Variants in KCNQ1 observed in about 807,000 individuals in gnomAD.
KCNQ1 encodes potassium voltage-gated channel subfamily KQT member 1.
A neutral mutation model predicts 72.4 loss-of-function variants in KCNQ1; 49 were observed. The observed-to-expected ratio is 0.68, with a 90% confidence interval of 0.54 to 0.86. KCNQ1 has a LOEUF of 0.86. Ranked by LOEUF, KCNQ1 falls within the 40% of genes least tolerant of loss-of-function variation. KCNQ1 has a pLI of 0.00. For missense variants in KCNQ1, 790 were observed against 945.1 expected, an observed-to-expected ratio of 0.84 and a Z score of 2.15; for synonymous variants, 450 against 412.6, an observed-to-expected ratio of 1.09 and a Z score of -1.10.
chr11:2,848,213 C>T lies in KCNQ1; in HGVS notation c.*210C>T. On this transcript the variant is annotated 3_prime_UTR_variant, in exon 16 of 16. Transcript: ENST00000155840. ...ACCTCTTCCTGGCCGGTGTGGGGGC[C>T]CCGTCTCAGGTCTGAGTTGTTACCC... 4.5e-6 allele frequency: 3 copies of T among 669,160 alleles called. No individual in the cohort carries two copies. Among genetic ancestry groups the T allele is most frequent in the Non-Finnish European group, 8.1e-6 (3 of 371,078 alleles). 41.5% of individuals were successfully genotyped at this position (669,160 alleles called of 1,614,324 possible). A position where few individuals can be genotyped will look rare whatever the true frequency, so the allele number is the denominator to read the frequency against.
rs1346812616 is a variant in KCNQ1, at chr11:2,817,397, C to A, written c.1795-30370C>A. On this transcript the variant is annotated intron_variant, in intron 15 of 15. Transcript: ENST00000155840. The surrounding 1 kb of genome is among the most constrained non-coding windows in gnomAD (Gnocchi z 6.1). ...GGAGAATCACACCAGTGCCCCCTGA[C>A]CCCCAGCCTTGTGCAGACACTGATA... 1.3e-5 allele frequency among the ~76,000 whole-genome samples: 2 copies of A among 151,058 alleles called. No homozygotes were observed. The highest frequency in any genetic ancestry group is 2.5e-5 in the African/African-American group (1 of 40,416).
chr11:2,472,597 G>A (rs1242182396), intron 1 of KCNQ1, among the ~76,000 whole-genome samples: 1 of 152,104 alleles, frequency 6.6e-6, no homozygotes, highest in Non-Finnish European at 1.5e-5. Context: ...AAGCAAGGCA[G>A]AGCGTCTGGG....
chr11:2,749,641 CAAAAAAA>C lies in KCNQ1; in HGVS notation c.1515-19187_1515-19181del, dbSNP rs35701102. The stretch of plus-strand genomic sequence containing the variant: ...CGAAACCCTGTCTCTACTAAAAATA[CAAAAAAA>C]AAAAAAAAAAAAAAATTGTCCGGGC... On this transcript the variant is annotated intron_variant, in intron 11 of 15. Coordinates refer to ENST00000155840, the MANE Select transcript of KCNQ1 (RefSeq NM_000218.3). Among the ~76,000 whole-genome samples the C allele has an allele frequency of 5.8e-3, 502 of 87,102 alleles. 2 individuals carry two copies. Among genetic ancestry groups the C allele is most frequent in the African/African-American group, 0.012 (318 of 26,334 alleles). The allele number at this position is 87,102 out of a possible 152,430, so 57.1% of individuals were successfully genotyped here. A position where few individuals can be genotyped will look rare whatever the true frequency, so the allele number is the denominator to read the frequency against.
intron 10 of KCNQ1, chr11:2,660,442 A>G: frequency 2.5e-6 from 1 of 398,648 alleles, no homozygotes; most frequent in Non-Finnish European, 4.4e-6. Flanking sequence ...ATTTTCTAGG[A>G]TAAAAGCAAC....
chr11:2,706,199 T>G (rs2133912392), intron 11 of KCNQ1, among the ~76,000 whole-genome samples: 1 of 152,328 alleles, frequency 6.6e-6, no homozygotes, highest in Middle Eastern at 3.4e-3. Flanking sequence ...ATTTGCTTCT[T>G]TCAAATAAAA....
In KCNQ1 at chr11:2,447,824, C is replaced by T. The variant is rs767290367; in HGVS notation, c.386+2340C>T. Among the ~76,000 whole-genome samples, 7 of 152,180 alleles carry T rather than the reference C, an allele frequency of 4.6e-5. No individual in the cohort carries two copies. Among genetic ancestry groups the T allele is most frequent in the East Asian group, 1.9e-4 (1 of 5,192 alleles). ...TGTGCAGGGGGGTTGAGGCAGGAGC[C>T]GGTGTTCCGCTGACCCTACAGGGCT... On this transcript the variant is annotated intron_variant, in intron 1 of 15. Transcript: ENST00000155840. This position sits in a 1 kb window ranked among gnomAD's most constrained non-coding sequence, Gnocchi z 7.6.
rs1339662850 is a variant in KCNQ1 at position 2,544,236 on chromosome 11, ATG to A, written c.477+16230_477+16231del. On this transcript the variant is annotated intron_variant, in intron 2 of 15. Coordinates refer to ENST00000155840, the MANE Select transcript of KCNQ1 (RefSeq NM_000218.3). The surrounding 1 kb of genome is among the most constrained non-coding windows in gnomAD (Gnocchi z 4.4). Reference sequence around the variant, plus strand: ...GAGATTATCTATCTCATATATATATATGTGTGTGTGTGTATATATATATGTGT... The same window carrying A: ...GAGATTATCTATCTCATATATATATATGTGTGTGTGTATATATATATGTGT... Among the ~76,000 whole-genome samples, 4 of 146,980 alleles carry A rather than the reference ATG, an allele frequency of 2.7e-5. No individual in the cohort carries two copies. Among genetic ancestry groups the A allele is most frequent in the Non-Finnish European group, 3.0e-5 (2 of 67,410 alleles).
At chr11:2,465,951 C>T (rs533464097) in intron 1 of KCNQ1, among the ~76,000 whole-genome samples, 117 of 152,168 alleles carry the variant, frequency 7.7e-4, no homozygotes, top group Non-Finnish European at 1.3e-3. Flanking sequence ...TCATGACCTG[C>T]CCTGTCCTTT....
intron 11 of KCNQ1, among the ~76,000 whole-genome samples, chr11:2,754,620 G>C (rs544737283): frequency 1.8e-4 from 28 of 152,322 alleles, no homozygotes; most frequent in Admixed American, 1.2e-3. Flanking sequence ...AGGTGTTGCA[G>C]GTTGCTGGAA....
chr11:2,727,740 T>G (rs1456504108), intron 11 of KCNQ1, among the ~76,000 whole-genome samples: 1 of 152,150 alleles, frequency 6.6e-6, no homozygotes, highest in East Asian at 1.9e-4. Flanking sequence ...AAGGGCTGTA[T>G]GCAGAAGGGC....
intron 15 of KCNQ1, among the ~76,000 whole-genome samples, chr11:2,814,289 G>A (rs1478329310): frequency 1.7e-4 from 25 of 143,150 alleles, no homozygotes; most frequent in African/African-American, 6.9e-4. Flanking sequence ...TGGGATGGAT[G>A]GATGGATGGA....
At chr11:2,583,061 TG>T (rs762097885) in intron 6 of KCNQ1, among the ~76,000 whole-genome samples, 2 of 152,110 alleles carry the variant, frequency 1.3e-5, no homozygotes, top group East Asian at 1.9e-4. Flanking sequence ...CCCGGTCTCC[TG>T]GGGGCCGGCG....
Position 2,647,138 on chromosome 11 carries a change from T to G in KCNQ1, c.1394-14823T>G. On this transcript the variant is annotated intron_variant, in intron 10 of 15. Coordinates refer to ENST00000155840, the MANE Select transcript of KCNQ1 (RefSeq NM_000218.3). This position sits in a 1 kb window ranked among gnomAD's most constrained non-coding sequence, Gnocchi z 4.0. ...GTCATATATGACCTTCATTGAGTTA[T>G]GTTCCTTCTAGACATTATGTGATGA... The G allele has an allele frequency of 2.5e-6, 1 of 398,558 alleles. No homozygotes were observed. Among genetic ancestry groups the G allele is most frequent in the Admixed American group, 4.4e-5 (1 of 22,736 alleles). The allele number at this position is 398,558 out of a possible 1,614,324, so 24.7% of individuals were successfully genotyped here.
chr11:2,708,567 G>T (rs1850950850), intron 11 of KCNQ1, among the ~76,000 whole-genome samples: 1 of 152,154 alleles, frequency 6.6e-6, no homozygotes, highest in African/African-American at 2.4e-5. Flanking sequence ...GACCCCTGGG[G>T]TGCACAGGGT....
chr11:2,734,999 G>T lies in KCNQ1; in HGVS notation c.1515-33845G>T, dbSNP rs1385014965. Among the ~76,000 whole-genome samples the T allele has an allele frequency of 6.6e-6, 1 of 150,792 alleles. No homozygotes were observed. The highest frequency in any genetic ancestry group is 1.5e-5 in the Non-Finnish European group (1 of 67,762). Reference sequence around the variant, plus strand: ...CCAGCCGGCTGTGCACGCTGCCCCAGGCTGGTGGGGTAAGCGCCTCGGAGG... The same window carrying T: ...CCAGCCGGCTGTGCACGCTGCCCCATGCTGGTGGGGTAAGCGCCTCGGAGG... On this transcript the variant is annotated intron_variant, in intron 11 of 15. Transcript: ENST00000155840. The surrounding 1 kb of genome is among the most constrained non-coding windows in gnomAD (Gnocchi z 7.0).
At position 2,678,591 on chromosome 11, in the gene KCNQ1, G is replaced by A. The variant is rs1850334383; in HGVS notation, c.1514+16510G>A. On this transcript the variant is annotated intron_variant, in intron 11 of 15. Coordinates refer to ENST00000155840, the MANE Select transcript of KCNQ1 (RefSeq NM_000218.3). This position sits in a 1 kb window ranked among gnomAD's most constrained non-coding sequence, Gnocchi z 4.9. Reference sequence around the variant, plus strand: ...GTAACTTTATGATGCACTTATCTGTGTAGCAGGACTCCCCCTCATCTCCAT... The same window carrying A: ...GTAACTTTATGATGCACTTATCTGTATAGCAGGACTCCCCCTCATCTCCAT... 1 of 398,498 alleles carries A rather than the reference G, an allele frequency of 2.5e-6. No individual in the cohort carries two copies. The highest frequency in any genetic ancestry group is 3.6e-5 in the East Asian group (1 of 28,096). 24.7% of individuals were successfully genotyped at this position (398,498 alleles called of 1,614,324 possible).
In KCNQ1 at chr11:2,627,758, CCTTT is replaced by C; in HGVS notation, c.1394-34198_1394-34195del. On this transcript the variant is annotated intron_variant, in intron 10 of 15. Transcript: ENST00000155840. This position sits in a 1 kb window ranked among gnomAD's most constrained non-coding sequence, Gnocchi z 4.9. ...ATACACACACACACACTATTTTCTT[CCTTT>C]CTTTTTGAGACAGGGTCTCCATCTG... The C allele has an allele frequency of 2.5e-6, 1 of 398,056 alleles. No individual in the cohort carries two copies. The allele number at this position is 398,056 out of a possible 1,614,324, so 24.7% of individuals were successfully genotyped here.
chr11:2,534,166 T>C (rs1204068056), intron 2 of KCNQ1, among the ~76,000 whole-genome samples: 1 of 152,170 alleles, frequency 6.6e-6, no homozygotes, highest in Non-Finnish European at 1.5e-5. Flanking sequence ...GTAGGGAGTC[T>C]CTGGGCCTCC....
At chr11:2,511,528 G>A (rs1256867394) in intron 1 of KCNQ1, among the ~76,000 whole-genome samples, 1 of 152,192 alleles carries the variant, frequency 6.6e-6, no homozygotes, top group East Asian at 1.9e-4. Context: ...CAGGTGACGG[G>A]TGAGTGGTCT....
Sources: allele counts gnomAD v4.1 joint callset (sites outside exome capture counted in the v4.1 genomes callset), GRCh38; gene constraint gnomAD v4.1.1; non-coding constraint Gnocchi (gnomAD v3.1); transcripts MANE v1.5; gene names NCBI Gene and HGNC (gene_info 2026-07-23, HGNC 2026-07-21).